CLNK: variants seen among roughly 807,000 people sequenced by gnomAD.
CLNK encodes cytokine-dependent hematopoietic cell linker.
A neutral mutation model predicts 68.6 loss-of-function variants in CLNK; 74 were observed. The observed-to-expected ratio is 1.08, with a 90% CI of 0.89 to 1.31. The LOEUF is 1.31. CLNK is among the 50% of genes most tolerant of loss of function. The pLI is 0.00. For synonymous variants in CLNK, 198 were observed against 172.2 expected (o/e 1.15, Z -1.17); for missense variants, 553 against 515.3 (o/e 1.07, Z -0.71).
chr4:10,605,564 C>T (rs937708957), intron 2 of CLNK, among the ~76,000 whole-genome samples: 2 of 152,054 alleles, frequency 1.3e-5, no homozygotes, highest in Non-Finnish European at 2.9e-5. Flanking sequence ...CGGTGGCTCA[C>T]ACCTGTAATC....
the CLNK span, among the ~76,000 whole-genome samples, chr4:10,699,578 T>G: frequency 1.4e-5 from 2 of 141,328 alleles, no homozygotes; most frequent in African/African-American, 2.7e-5. Flanking sequence ...AGTGGCACCA[T>G]GTCAGCTCAC....
At chr4:10,672,431 C>T (rs974996036) in intron 1 of CLNK, among the ~76,000 whole-genome samples, 1 of 152,102 alleles carries the variant, frequency 6.6e-6, no homozygotes, top group African/African-American at 2.4e-5. Flanking sequence ...ACCCTTAGGA[C>T]TCTTATGAAG....
At chr4:10,571,547 G>C (rs1173979453) in intron 5 of CLNK, among the ~76,000 whole-genome samples, 194 bp downstream of exon 5, 1 of 151,944 alleles carries the variant, frequency 6.6e-6, no homozygotes, top group Non-Finnish European at 1.5e-5. Flanking sequence ...TGTTAGCCAG[G>C]TTGGTCTTGA....
chr4:10,600,076 G>A (rs1279239081), intron 2 of CLNK, among the ~76,000 whole-genome samples: 2 of 152,128 alleles, frequency 1.3e-5, no homozygotes, highest in African/African-American at 4.8e-5. Flanking sequence ...TCCCATTTCT[G>A]TTGCTCCTTT....
chr4:10,663,171 C>T (rs1049203694), intron 2 of CLNK, among the ~76,000 whole-genome samples: 3 of 152,204 alleles, frequency 2.0e-5, no homozygotes, highest in African/African-American at 7.2e-5. Flanking sequence ...CCTTATCTAG[C>T]CCCAGCGGTG....
chr4:10,550,355 C>A (rs1719397720), intron 8 of CLNK, among the ~76,000 whole-genome samples: 1 of 152,010 alleles, frequency 6.6e-6, no homozygotes, highest in South Asian at 2.1e-4. Flanking sequence ...ATTAGCCGGG[C>A]GTGGTGGCGG....
chr4:10,696,316 G>A, the CLNK span, among the ~76,000 whole-genome samples: 1 of 152,112 alleles, frequency 6.6e-6, no homozygotes, highest in African/African-American at 2.4e-5. Context: ...CACTCAACAT[G>A]GGCTTCATCT....
chr4:10,660,105 T>A (rs1724134695), intron 2 of CLNK, among the ~76,000 whole-genome samples: 1 of 152,262 alleles, frequency 6.6e-6, no homozygotes, highest in African/African-American at 2.4e-5. Flanking sequence ...TTATAAACTA[T>A]CATCATGGAT....
chr4:10,572,688 T>C (rs1431599485), intron 4 of CLNK, among the ~76,000 whole-genome samples: 1 of 152,258 alleles, frequency 6.6e-6, no homozygotes, highest in African/African-American at 2.4e-5. Context: ...TTAAGGATAT[T>C]TCCCTTCTTC....
chr4:10,498,377 C>T (rs998624002), intron 18 of CLNK, among the ~76,000 whole-genome samples: 7 of 142,560 alleles, frequency 4.9e-5, no homozygotes, highest in Admixed American at 1.4e-4. Flanking sequence ...CTGTAGTCCC[C>T]GCTACTCGGG....
chr4:10,679,248 A>G (rs2108902133), intron 1 of CLNK, among the ~76,000 whole-genome samples: 1 of 152,344 alleles, frequency 6.6e-6, no homozygotes, highest in South Asian at 2.1e-4. Flanking sequence ...CAAACCTGAC[A>G]AAAACAAGAA....
At chr4:10,716,670 C>G in the CLNK span, among the ~76,000 whole-genome samples, 1 of 145,066 alleles carries the variant, frequency 6.9e-6, no homozygotes, top group African/African-American at 2.5e-5. Context: ...AAGAGGCAGG[C>G]TGGCAAGACA....
chr4:10,550,453 C>T (rs1719403045), intron 8 of CLNK, among the ~76,000 whole-genome samples: 1 of 152,064 alleles, frequency 6.6e-6, no homozygotes, highest in Non-Finnish European at 1.5e-5. Context: ...CAAGATCGCG[C>T]CACTGCACTC....
chr4:10,521,325 T>G (rs1718053638), intron 14 of CLNK, among the ~76,000 whole-genome samples: 1 of 152,190 alleles, frequency 6.6e-6, no homozygotes, highest in African/African-American at 2.4e-5. Flanking sequence ...AAAAAGAGAT[T>G]ATAAAACTAT....
chr4:10,584,430 A>G (rs143493433), intron 4 of CLNK, among the ~76,000 whole-genome samples: 4 of 152,298 alleles, frequency 2.6e-5, no homozygotes, highest in East Asian at 3.9e-4. Context: ...TGAATACTAC[A>G]TGCTTTTTCT....
chr4:10,641,165 C>G (rs149033796), intron 2 of CLNK, among the ~76,000 whole-genome samples: 16 of 152,162 alleles, frequency 1.1e-4, no homozygotes, highest in African/African-American at 3.9e-4. Context: ...TCCTGAGGGA[C>G]AGTTGGAGGG....
rs560040511 is a variant in CLNK at position 10,631,265 on chromosome 4, G to A, written c.12-33216C>T. On this transcript the variant is annotated intron_variant, in intron 2 of 18. Coordinates refer to ENST00000226951, the MANE Select transcript of CLNK (RefSeq NM_052964.4). ...AAGCACATTCAAGTGTCTAAGGTAT[G>A]TGTCCTCTCTCATAAAGGCTGAGTA... Among the ~76,000 whole-genome samples the A allele has an allele frequency of 8.5e-4, 129 of 152,310 alleles. 1 individual carries two copies. The highest frequency in any genetic ancestry group is 1.7e-3 in the South Asian group (8 of 4,830).
the CLNK span, among the ~76,000 whole-genome samples, chr4:10,699,333 C>T: frequency 2.9e-4 from 28 of 97,376 alleles, no homozygotes; most frequent in South Asian, 7.3e-3. Flanking sequence ...ACACCACATA[C>T]GTGTGTGTAT....
intron 3 of CLNK, 87 bp from the exon 4 acceptor site, chr4:10,585,042 G>A (rs1354597778): frequency 1.9e-4 from 268 of 1,412,772 alleles, no homozygotes; most frequent in East Asian, 4.7e-5. Context: ...GTCATCAAAC[G>A]TCATTGTACA....
Sources: allele counts gnomAD v4.1 joint callset (sites outside exome capture counted in the v4.1 genomes callset), GRCh38; gene constraint gnomAD v4.1.1; transcripts MANE v1.5; gene names NCBI Gene and HGNC (gene_info 2026-07-23, HGNC 2026-07-21).